Variants in CIT observed in about 807,000 individuals in gnomAD.
The protein encoded by CIT is citron Rho-interacting kinase.
A neutral mutation model predicts 272.7 loss-of-function variants in CIT; 79 were observed. The observed-to-expected ratio is 0.29, with a 90% CI of 0.24 to 0.35. CIT has a LOEUF of 0.35. Ranked by LOEUF, CIT falls within the 10% of genes least tolerant of loss-of-function variation. The probability of loss-of-function intolerance (pLI) is 1.00; values close to 1 mark genes in which losing one functional copy is unlikely to be tolerated. For synonymous variants in CIT, 948 were observed against 995.6 expected (o/e 0.95, Z 0.90); for missense variants, 1,909 against 2,618.3 (o/e 0.73, Z 5.91).
At chr12:119,786,227 T>A (rs549960179) in intron 10 of CIT, among the ~76,000 whole-genome samples, 5 of 152,272 alleles carry the variant, frequency 3.3e-5, no homozygotes, top group African/African-American at 9.6e-5. Flanking sequence ...AAGAGGGAGC[T>A]GGGGTAGACA....
intron 40 of CIT, 124 bp downstream of exon 40, chr12:119,708,055 G>A: frequency 9.4e-7 from 1 of 1,065,954 alleles, no homozygotes; most frequent in Non-Finnish European, 1.3e-6. Flanking sequence ...TTTCAAGAGA[G>A]CCCCTCTCTG....
intron 3 of CIT, among the ~76,000 whole-genome samples, chr12:119,868,209 A>C (rs749725414): frequency 3.9e-5 from 6 of 152,186 alleles, no homozygotes; most frequent in Non-Finnish European, 8.8e-5. Context: ...GTAATAGGGC[A>C]AGACTCTGTC....
chr12:119,789,353 T>C (rs1366843765), intron 10 of CIT, among the ~76,000 whole-genome samples: 1 of 152,218 alleles, frequency 6.6e-6, no homozygotes, highest in Non-Finnish European at 1.5e-5. Context: ...TGCCTTTTCA[T>C]CACTCTTTGA....
chr12:119,701,786 G>A (rs769872098), intron 42 of CIT, 34 bp from the exon 43 acceptor site: 2 of 1,614,260 alleles, frequency 1.2e-6, no homozygotes, highest in Non-Finnish European at 1.7e-6. Flanking sequence ...GGCTTCAGGA[G>A]TGAGTTCTGA....
chr12:119,875,639 T>C (rs1488324864), intron 2 of CIT, among the ~76,000 whole-genome samples: 1 of 152,104 alleles, frequency 6.6e-6, no homozygotes, highest in Non-Finnish European at 1.5e-5. Flanking sequence ...CAGAAGACCT[T>C]GTTTCAAACA....
intron 4 of CIT, among the ~76,000 whole-genome samples, 187 bp from the exon 5 acceptor site, chr12:119,850,462 A>T (rs945631187): frequency 2.0e-5 from 3 of 148,190 alleles, no homozygotes; most frequent in Non-Finnish European, 3.0e-5. Context: ...AGGGAAGGGA[A>T]GGGGAAGGGA....
intron 40 of CIT, 114 bp downstream of exon 40, chr12:119,708,065 G>A (rs1956969778): frequency 8.4e-7 from 1 of 1,193,552 alleles, no homozygotes; most frequent in East Asian, 2.8e-5. Context: ...GCCCCTCTCT[G>A]TTTGTTATTT....
At chr12:119,830,887 G>T (rs1415869416) in intron 7 of CIT, among the ~76,000 whole-genome samples, 1 of 152,082 alleles carries the variant, frequency 6.6e-6, no homozygotes, top group Non-Finnish European at 1.5e-5. Flanking sequence ...TTTGTTTTAA[G>T]ACAGGGTCTT....
chr12:119,820,152 G>A (rs1362119463), intron 9 of CIT, among the ~76,000 whole-genome samples: 1 of 152,092 alleles, frequency 6.6e-6, no homozygotes, highest in Non-Finnish European at 1.5e-5. Flanking sequence ...TGGGAGAATT[G>A]GTAAAATCCA....
chr12:119,801,731 A>G (rs1004103352), intron 10 of CIT, among the ~76,000 whole-genome samples: 4 of 152,152 alleles, frequency 2.6e-5, no homozygotes, highest in Non-Finnish European at 5.9e-5. Context: ...AAACCTCCCA[A>G]TCCTGCTGAG....
Position 119,844,311 on chromosome 12 carries a change from C to T in CIT, c.516+5863G>A, listed in dbSNP as rs139120721. 4.3e-3 allele frequency among the ~76,000 whole-genome samples: 649 copies of T among 152,122 alleles called. 7 individuals carry two copies. The highest frequency in any genetic ancestry group is 0.015 in the African/African-American group (622 of 41,498). On this transcript the variant is annotated intron_variant, in intron 5 of 47. Coordinates refer to ENST00000392521, the MANE Select transcript of CIT (RefSeq NM_001206999.2). ...TGCTGGGATTACAGGTATAAGCCACCGCGCCCAGCCATACATACAGTTTAT... is the reference window on the plus strand; with the variant it reads ...TGCTGGGATTACAGGTATAAGCCACTGCGCCCAGCCATACATACAGTTTAT...
At chr12:119,857,184 C>T (rs908411819) in intron 4 of CIT, among the ~76,000 whole-genome samples, 8 of 152,194 alleles carry the variant, frequency 5.3e-5, no homozygotes, top group Non-Finnish European at 4.4e-5. Context: ...CAAAAGCAAT[C>T]TGATTCACCC....
At chr12:119,819,092 A>G (rs1430140687) in intron 9 of CIT, among the ~76,000 whole-genome samples, 1 of 152,178 alleles carries the variant, frequency 6.6e-6, no homozygotes, top group African/African-American at 2.4e-5. Context: ...GAACTGCACA[A>G]CCAGGGCAGC....
intron 9 of CIT, among the ~76,000 whole-genome samples, chr12:119,809,932 T>C (rs1966800330): frequency 6.6e-6 from 1 of 152,224 alleles, no homozygotes; most frequent in East Asian, 1.9e-4. Flanking sequence ...ACGTGGAGGT[T>C]CCTGGAGGGC....
chr12:119,719,126 G>A, intron 30 of CIT: 2 of 416,262 alleles, frequency 4.8e-6, no homozygotes, highest in South Asian at 2.5e-5. Context: ...CTCTAGCATT[G>A]CCAAGACAGG....
chr12:119,742,279 G>T, intron 24 of CIT, 132 bp downstream of exon 24: 2 of 588,918 alleles, frequency 3.4e-6, no homozygotes, highest in Middle Eastern at 4.2e-4. Context: ...AAATAAGGTT[G>T]ATTGCATTAT....
chr12:119,845,630 G>A (rs1424513140), intron 5 of CIT, among the ~76,000 whole-genome samples: 1 of 146,618 alleles, frequency 6.8e-6, no homozygotes. Context: ...TCCAGCCTGG[G>A]CAACAGAGCA....
chr12:119,823,077 TG>T (rs1198273133), intron 8 of CIT, 104 bp from the exon 9 acceptor site: 1 of 1,251,130 alleles, frequency 8.0e-7, no homozygotes, highest in East Asian at 2.5e-5. Context: ...TCTTTTTTTT[TG>T]TTTTTTAGAG....
At position 119,716,378 on chromosome 12, in the gene CIT, C is replaced by CAAAAAAAAAAA. The variant is rs35690078; in HGVS notation, c.4168+1856_4168+1866dup. On this transcript the variant is annotated intron_variant, in intron 32 of 47. Transcript: ENST00000392521. ...TGGGCGACAGAGCGAGACTCTGTCT[C>CAAAAAAAAAAA]AAAAAAAAAAAAAAAAAAAAAAAAA... Among the ~76,000 whole-genome samples, 9 of 17,804 alleles carry CAAAAAAAAAAA rather than the reference C, an allele frequency of 5.1e-4. 4 individuals carry two copies. The highest frequency in any genetic ancestry group is 2.1e-3 in the Admixed American group (2 of 972). The allele number at this position is 17,804 out of a possible 152,430, so 11.7% of individuals were successfully genotyped here.
Sources: gnomAD v4.1 joint callset for allele counts (sites outside exome capture counted in the v4.1 genomes callset) on GRCh38, gnomAD v4.1.1 for gene constraint, MANE v1.5 for transcripts, NCBI Gene and HGNC (gene_info 2026-07-23, HGNC 2026-07-21) for gene names.